GPM6A: variants seen among roughly 807,000 people sequenced by gnomAD.
GPM6A encodes neuronal membrane glycoprotein M6-a.
A neutral mutation model predicts 32.1 loss-of-function variants in GPM6A; 7 were observed. That is an observed-to-expected ratio of 0.22 (90% confidence interval 0.12 to 0.41). GPM6A has a LOEUF of 0.41. Among genes scored for constraint, GPM6A ranks in the 10% least tolerant of loss-of-function variants. The pLI is 1.00. For synonymous variants in GPM6A, 130 were observed against 123.4 expected (o/e 1.05, Z -0.35); for missense variants, 235 against 347.2 (o/e 0.68, Z 2.57).
chr4:175,744,133 A>C (rs1294188590), intron 1 of GPM6A, among the ~76,000 whole-genome samples: 1 of 152,064 alleles, frequency 6.6e-6, no homozygotes, highest in Non-Finnish European at 1.5e-5. Context: ...GTAATAAACA[A>C]ATGTGAAAAT....
At chr4:175,745,003 T>C (rs1323555415) in intron 1 of GPM6A, among the ~76,000 whole-genome samples, 1 of 152,182 alleles carries the variant, frequency 6.6e-6, no homozygotes, top group Non-Finnish European at 1.5e-5. Flanking sequence ...ATCTTTTCAT[T>C]ATCCCTTTTC....
intron 1 of GPM6A, among the ~76,000 whole-genome samples, chr4:175,773,834 A>C (rs926749691): frequency 6.6e-6 from 1 of 152,178 alleles, no homozygotes; most frequent in African/African-American, 2.4e-5. Context: ...AGTATATGCA[A>C]AGTCTTAAGA....
At chr4:175,903,785 T>C (rs1462462318) in intron 1 of GPM6A, among the ~76,000 whole-genome samples, 1 of 152,136 alleles carries the variant, frequency 6.6e-6, no homozygotes, top group Non-Finnish European at 1.5e-5. Context: ...ATTGAAGTAA[T>C]CTAGAGAACC....
intron 1 of GPM6A, among the ~76,000 whole-genome samples, chr4:175,945,307 C>A (rs77847531): frequency 6.6e-6 from 1 of 152,048 alleles, no homozygotes; most frequent in South Asian, 2.1e-4. Flanking sequence ...GATGAACAAG[C>A]ATCATGTTCT....
chr4:175,901,587 C>G (rs1394023844), intron 1 of GPM6A, among the ~76,000 whole-genome samples: 1 of 146,064 alleles, frequency 6.8e-6, no homozygotes, highest in Non-Finnish European at 1.5e-5. Flanking sequence ...AAATTTATAA[C>G]TATTTTAGAA....
chr4:175,802,407 C>T (rs1418151256), intron 1 of GPM6A, among the ~76,000 whole-genome samples: 1 of 152,036 alleles, frequency 6.6e-6, no homozygotes, highest in Non-Finnish European at 1.5e-5. Flanking sequence ...ATACCATTGA[C>T]CAGAGCTCAA....
chr4:175,900,490 C>T (rs1236650335), intron 1 of GPM6A, among the ~76,000 whole-genome samples: 1 of 122,748 alleles, frequency 8.1e-6, no homozygotes, highest in Admixed American at 8.9e-5. Flanking sequence ...AGAAGACATA[C>T]AAATGGCAAA....
chr4:175,698,780 A>G (rs1744712963), intron 2 of GPM6A, among the ~76,000 whole-genome samples: 1 of 152,168 alleles, frequency 6.6e-6, no homozygotes, highest in East Asian at 1.9e-4. Flanking sequence ...CCCATTCCAA[A>G]CATGCATTAT....
intron 1 of GPM6A, among the ~76,000 whole-genome samples, chr4:175,882,757 C>G (rs1737322096): frequency 6.6e-6 from 1 of 151,808 alleles, no homozygotes; most frequent in African/African-American, 2.4e-5. Context: ...ATCTTTCAAA[C>G]AAAAATATTT....
At chr4:175,717,466 ATCAC>A (rs894898059) in intron 1 of GPM6A, among the ~76,000 whole-genome samples, 30 of 152,168 alleles carry the variant, frequency 2.0e-4, no homozygotes, top group Admixed American at 1.9e-3. Context: ...GCCTAATCTC[ATCAC>A]TCACAGTGAC....
At chr4:175,772,673 C>T (rs1435129637) in intron 1 of GPM6A, among the ~76,000 whole-genome samples, 1 of 152,166 alleles carries the variant, frequency 6.6e-6, no homozygotes, top group Non-Finnish European at 1.5e-5. Context: ...ACTGAACACT[C>T]TAGTCTCACT....
intron 1 of GPM6A, among the ~76,000 whole-genome samples, chr4:175,705,052 C>T (rs1484992589): frequency 1.3e-5 from 2 of 152,090 alleles, no homozygotes; most frequent in Non-Finnish European, 2.9e-5. Flanking sequence ...TTAAATGGAC[C>T]AGTTCTAGCC....
intron 3 of GPM6A, among the ~76,000 whole-genome samples, chr4:175,661,070 A>G (rs2110945751): frequency 6.6e-6 from 1 of 152,350 alleles, no homozygotes; most frequent in Admixed American, 6.5e-5. Context: ...TGGTGTATAC[A>G]TAATAAATGT....
chr4:175,702,264 G>C (rs1027096240), intron 1 of GPM6A, among the ~76,000 whole-genome samples: 6 of 152,150 alleles, frequency 3.9e-5, no homozygotes, highest in African/African-American at 1.4e-4. Flanking sequence ...AATGTATGAG[G>C]ATAAAATCGG....
intron 4 of GPM6A, among the ~76,000 whole-genome samples, chr4:175,642,763 C>A (rs1034239830): frequency 6.6e-6 from 1 of 152,060 alleles, no homozygotes; most frequent in African/African-American, 2.4e-5. Flanking sequence ...CTCATCCAGT[C>A]CCAGATATTT....
chr4:175,671,617 G>A (rs1743072372), intron 3 of GPM6A, among the ~76,000 whole-genome samples: 1 of 151,948 alleles, frequency 6.6e-6, no homozygotes, highest in East Asian at 1.9e-4. Flanking sequence ...AGCTGAGGTG[G>A]GGGTGTGGAG....
chr4:175,692,730 C>T (rs1364274332), intron 2 of GPM6A, among the ~76,000 whole-genome samples: 1 of 151,810 alleles, frequency 6.6e-6, no homozygotes, highest in African/African-American at 2.4e-5. Context: ...TTGCTTGTAT[C>T]CTTCTTACCC....
At chr4:175,829,535 A>G (rs1735540754) in intron 1 of GPM6A, among the ~76,000 whole-genome samples, 2 of 151,520 alleles carry the variant, frequency 1.3e-5, no homozygotes, top group Non-Finnish European at 2.9e-5. Flanking sequence ...TGTTTTTCTC[A>G]CTATTTTACT....
At chr4:175,759,902 G>A (rs2111206554) in intron 1 of GPM6A, among the ~76,000 whole-genome samples, 1 of 152,242 alleles carries the variant, frequency 6.6e-6, no homozygotes, top group South Asian at 2.1e-4. Flanking sequence ...AAATCTGGCT[G>A]GGTGCAGTGG....
Sources: allele counts gnomAD v4.1 joint callset (sites outside exome capture counted in the v4.1 genomes callset), GRCh38; gene constraint gnomAD v4.1.1; transcripts MANE v1.5; gene names NCBI Gene and HGNC (gene_info 2026-07-23, HGNC 2026-07-21).